The following ATP8B3 variants were observed in gnomAD, a reference collection of about 807,000 sequenced individuals.
The protein encoded by ATP8B3 is phospholipid-transporting ATPase IK.
A neutral mutation model predicts 140.9 loss-of-function variants in ATP8B3; 141 were observed. The observed-to-expected ratio is 1.00, with a 90% CI of 0.87 to 1.15. ATP8B3 has a LOEUF of 1.15. Ranked by LOEUF, ATP8B3 falls within the 50% of genes most tolerant of loss-of-function variation. The pLI, the probability that ATP8B3 is intolerant of heterozygous loss-of-function variation, is 0.00. For synonymous variants in ATP8B3, 765 were observed against 714.6 expected, an observed-to-expected ratio of 1.07 and a Z score of -1.13; for missense variants, 1,874 against 1,740.6, an observed-to-expected ratio of 1.08 and a Z score of -1.36.
intron 19 of ATP8B3, 58 bp from the exon 20 acceptor site, chr19:1,791,919 CGGGG>C: frequency 6.3e-7 from 1 of 1,599,524 alleles, no homozygotes; most frequent in South Asian, 1.1e-5. Context: ...AGCTCCCTGG[CGGGG>C]GCAGGAGAGT....
At position 1,806,821 on chromosome 19, in the gene ATP8B3, G is replaced by T; in HGVS notation, c.616-132C>A. The T allele has an allele frequency of 9.6e-7, 1 of 1,044,538 alleles. No individual in the cohort carries two copies. Among genetic ancestry groups the T allele is most frequent in the Non-Finnish European group, 1.4e-6 (1 of 705,596 alleles). 64.7% of individuals were successfully genotyped at this position (1,044,538 alleles called of 1,614,324 possible). A position where few individuals can be genotyped will look rare whatever the true frequency, so the allele number is the denominator to read the frequency against. On this transcript the variant is annotated intron_variant, in intron 6 of 28. Coordinates refer to ENST00000310127, the MANE Select transcript of ATP8B3 (RefSeq NM_138813.4). The surrounding 1 kb of genome is among the most constrained non-coding windows in gnomAD (Gnocchi z 5.6). Reference sequence around the variant, plus strand: ...CTGTCCGCTGGCCCCACGCCACGTTGCGTCTGCTCAGGGATCCCGGACGTG... The same window carrying T: ...CTGTCCGCTGGCCCCACGCCACGTTTCGTCTGCTCAGGGATCCCGGACGTG...
Position 1,808,298 on chromosome 19 carries a change from G to C in ATP8B3, c.440C>G (p.Ser147Trp). 6.2e-7 allele frequency: 1 copy of C among 1,612,926 alleles called. No homozygotes were observed. Residue 147 changes from serine to tryptophan, a missense_variant, in exon 5 of 29, where the codon TCG becomes TGG. This residue lies in a region of ATP8B3 where 1,032 missense variants were observed against 963.6 expected (regional missense o/e 1.07). Transcript: ENST00000310127. Reference sequence around the variant, plus strand: ...CTCGTACAGGTTCAGCGGCAGGAACGAGTAGAAGTTGTACTTGGCCGTGCG... The same window carrying C: ...CTCGTACAGGTTCAGCGGCAGGAACCAGTAGAAGTTGTACTTGGCCGTGCG... ...VIRTAKYNFY[S>W]FLPLNLYEQF...
chr19:1,805,003 T>A lies in ATP8B3; in HGVS notation c.904+371A>T, dbSNP rs2068967693. Among the ~76,000 whole-genome samples, 1 of 152,174 alleles carries A rather than the reference T, an allele frequency of 6.6e-6. No homozygotes were observed. Among genetic ancestry groups the A allele is most frequent in the Non-Finnish European group, 1.5e-5 (1 of 68,040 alleles). ...TTTATTTTTGGTTTTGACACAGGGG[T>A]CTCACTCTGTTGCCCAGGCTGAGTG... On this transcript the variant is annotated intron_variant, in intron 10 of 28. Coordinates refer to ENST00000310127, the MANE Select transcript of ATP8B3 (RefSeq NM_138813.4). This position sits in a 1 kb window ranked among gnomAD's most constrained non-coding sequence, Gnocchi z 5.2.
chr19:1,806,218 C>G lies in ATP8B3; in HGVS notation c.678-49G>C, dbSNP rs1411509124. 5 of 1,551,032 alleles carry G rather than the reference C, an allele frequency of 3.2e-6. No individual in the cohort carries two copies. The South Asian group carries it at 5.9e-5, about 18-fold the overall frequency. On this transcript the variant is annotated intron_variant, in intron 7 of 28. Coordinates refer to ENST00000310127, the MANE Select transcript of ATP8B3 (RefSeq NM_138813.4). The surrounding 1 kb of genome is among the most constrained non-coding windows in gnomAD (Gnocchi z 5.6). ...GGAGGCCCCTCCCTCTGCCAACCCT[C>G]CCCACACCGGGAGACCAGAGGCACG...
chr19:1,791,507 C>G (rs1327849110), intron 20 of ATP8B3, among the ~76,000 whole-genome samples: 1 of 152,084 alleles, frequency 6.6e-6, no homozygotes, highest in Admixed American at 6.6e-5. Context: ...CCTGCCTCAG[C>G]CTCCTGAGTA....
Position 1,809,721 on chromosome 19 carries a change from C to T in ATP8B3, c.324G>A (p.Lys108=), listed in dbSNP as rs573102431. ...TGTAGGCACGGTTGTTGGCCTGGAC[C>T]TTCCAGGTGAATGCTGCAGCGAGAG... The part of the protein sequence containing the change: ...DEDRNSAFTW[K]VQANNRAYNG... The change falls in exon 4 of 29, where the codon AAG becomes AAA. Residue 108 remains lysine, a synonymous_variant. Transcript: ENST00000310127. The T allele has an allele frequency of 6.2e-7, 1 of 1,609,214 alleles. No homozygotes were observed. The highest frequency in any genetic ancestry group is 8.5e-7 in the Non-Finnish European group (1 of 1,178,158).
At chr19:1,804,291 C>G (rs911761653) in intron 10 of ATP8B3, among the ~76,000 whole-genome samples, 26 of 151,924 alleles carry the variant, frequency 1.7e-4, no homozygotes, top group Admixed American at 7.9e-4. Context: ...GTGAGGAGTT[C>G]GAGACCAGCC....
At chr19:1,786,987 C>T (rs1424221018) in intron 25 of ATP8B3, 116 bp downstream of exon 25, 2 of 959,872 alleles carry the variant, frequency 2.1e-6, no homozygotes, top group East Asian at 5.5e-5. Context: ...ACCCCCTGAG[C>T]CCCACCCCAT....
chr19:1,790,838 A>C lies in ATP8B3; in HGVS notation c.2303-6T>G, dbSNP rs776537324. ...GCCGATGTTCACAGCCGTTTCTGCG[A>C]AGCAGACCAGCTCAGCGCCTCTGCG... On this transcript the variant is annotated splice_polypyrimidine_tract_variant and splice_region_variant and intron_variant, in intron 20 of 28. Transcript: ENST00000310127. The C allele has an allele frequency of 6.3e-7, 1 of 1,594,086 alleles. No homozygotes were observed. The highest frequency in any genetic ancestry group is 1.1e-5 in the South Asian group (1 of 87,850).
chr19:1,806,888 C>A lies in ATP8B3; in HGVS notation c.616-199G>T, dbSNP rs969577284. On this transcript the variant is annotated intron_variant, in intron 6 of 28. Transcript: ENST00000310127. This position sits in a 1 kb window ranked among gnomAD's most constrained non-coding sequence, Gnocchi z 5.6. ...CTGCTATTGGCGGGGAGAAGACAGG[C>A]GTGCTGCCCACCACCTAGAGTGCCT... is the stretch of plus-strand genomic sequence containing the variant. Among the ~76,000 whole-genome samples, 3 of 152,166 alleles carry A rather than the reference C, an allele frequency of 2.0e-5. No individual in the cohort carries two copies. Among genetic ancestry groups the A allele is most frequent in the African/African-American group, 7.2e-5 (3 of 41,428 alleles).
intron 22 of ATP8B3, 73 bp downstream of exon 22, chr19:1,789,817 A>T (rs1239337857): frequency 2.5e-6 from 4 of 1,579,624 alleles, no homozygotes; most frequent in East Asian, 2.3e-5. Context: ...AGCAGTCCCC[A>T]CCCCGAGCCC....
Position 1,811,606 on chromosome 19 carries a change from C to A in ATP8B3, c.131G>T (p.Arg44Leu), listed in dbSNP as rs549492441. 3.7e-6 allele frequency: 6 copies of A among 1,612,100 alleles called. No homozygotes were observed. The African/African-American group carries it at 4.0e-5, about 11-fold the overall frequency. The change falls in exon 2 of 29, where the codon CGC (arginine) becomes CTC (leucine). Residue 44 changes from arginine to leucine, a missense_variant. Arg to Leu is a moderately radical substitution (Grantham distance 102, BLOSUM62 -2). Transcript: ENST00000310127. ...TQEGSGPAGIRGGETVIRAGM... is the reference protein window; with the variant it reads ...TQEGSGPAGILGGETVIRAGM... The stretch of plus-strand genomic sequence containing the variant: ...AGCTCTGATCACCGTCTCACCTCCG[C>A]GGATGCCAGCAGGACCTGAGCCTTC...
chr19:1,789,345 CG>C lies in ATP8B3; in HGVS notation c.2845+15del, dbSNP rs1331012198. 6.7e-7 allele frequency: 1 copy of C among 1,495,076 alleles called. No homozygotes were observed. Among genetic ancestry groups the C allele is most frequent in the Non-Finnish European group, 8.9e-7 (1 of 1,119,630 alleles). The allele number at this position is 1,495,076 out of a possible 1,614,324, so 92.6% of individuals were successfully genotyped here. ...CACTCGTCCCAGGCACCCCCAGCCC[CG>C]CCGCCGCCACCCACTCTTGATCATG... On this transcript the variant is annotated intron_variant, in intron 23 of 28. Coordinates refer to ENST00000310127, the MANE Select transcript of ATP8B3 (RefSeq NM_138813.4).
chr19:1,785,511 C>T lies in ATP8B3; in HGVS notation c.3351G>A (p.Ala1117=), dbSNP rs749662285. The change falls in exon 26 of 29, where the codon GCG becomes GCA. Residue 1117 remains alanine, a synonymous_variant. Transcript: ENST00000310127. ...GCAGGCAAGACAGGGCCACCACGAC[C>T]GCAAAGGACTGGTGGTCGCTGAAGC... The part of the protein sequence containing the change: ...PASFSDHQSF[A]VVVALSCLLS... 47 of 1,613,054 alleles carry T rather than the reference C, an allele frequency of 2.9e-5. No homozygotes were observed. The highest frequency in any genetic ancestry group is 3.7e-5 in the Non-Finnish European group (44 of 1,179,870).
Position 1,811,664 on chromosome 19 carries a change from G to T in ATP8B3, c.73C>A (p.Pro25Thr). Residue 25 changes from proline to threonine, a missense_variant, in exon 2 of 29, where the codon CCT (proline) becomes ACT (threonine). By Grantham distance (38) the Pro-to-Thr change is conservative. Around this residue, in one of 3 missense-constraint regions of ATP8B3, gnomAD observed 1,032 missense variants for 963.6 expected, o/e 1.07. Transcript: ENST00000310127. The part of the protein sequence containing the change: ...GPEPSPAPPG[P>T]GDTGDSDVTQ... Reference sequence around the variant, plus strand: ...ACGTCTGAGTCACCCGTGTCCCCAGGTCCTGGTGGGGCAGGGCTTGGCTCA... The same window carrying T: ...ACGTCTGAGTCACCCGTGTCCCCAGTTCCTGGTGGGGCAGGGCTTGGCTCA... 1 of 1,610,184 alleles carries T rather than the reference G, an allele frequency of 6.2e-7. No individual in the cohort carries two copies.
At position 1,789,470 on chromosome 19, in the gene ATP8B3, G is replaced by T; in HGVS notation, c.2736C>A (p.Cys912Ter). Residue 912 changes from cysteine to a stop codon, truncating the protein, a stop_gained, in exon 23 of 29, where the codon TGC (cysteine) becomes TGA (stop). Transcript: ENST00000310127. LOFTEE classifies it high-confidence loss of function. ...LASKCQAVIC[C>*]RVTPKQKALI... ...GGGCCTTCTGCTTGGGCGTCACGCGGCAGCAGATGACCGCCTGGCACTTGG... is the reference window on the plus strand; with the variant it reads ...GGGCCTTCTGCTTGGGCGTCACGCGTCAGCAGATGACCGCCTGGCACTTGG... 1 of 1,597,844 alleles carries T rather than the reference G, an allele frequency of 6.3e-7. No individual in the cohort carries two copies.
chr19:1,810,115 G>A (rs555366041), intron 3 of ATP8B3, among the ~76,000 whole-genome samples: 2 of 152,332 alleles, frequency 1.3e-5, no homozygotes, highest in East Asian at 3.9e-4. Context: ...GATCTTTCTG[G>A]GCATGCAGCC....
At position 1,799,951 on chromosome 19, in the gene ATP8B3, G is replaced by A. The variant is rs1336124138; in HGVS notation, c.1548C>T (p.Val516=). The change falls in exon 14 of 29, where the codon GTC becomes GTT. Residue 516 remains valine (V), a synonymous_variant. Coordinates refer to ENST00000310127, the MANE Select transcript of ATP8B3 (RefSeq NM_138813.4). The part of the protein sequence containing the change: ...TFNKCCISGR[V]YGPDSEATTR... Reference sequence around the variant, plus strand: ...GCTCAGGTGTCGGGGCCGCACCATAGACGCGGCCGCTGATGCAGCACTTGT... The same window carrying A: ...GCTCAGGTGTCGGGGCCGCACCATAAACGCGGCCGCTGATGCAGCACTTGT... 6.3e-7 allele frequency: 1 copy of A among 1,593,840 alleles called. No homozygotes were observed. The highest frequency in any genetic ancestry group is 1.3e-5 in the African/African-American group (1 of 74,582).
chr19:1,807,058 C>G lies in ATP8B3; in HGVS notation c.615+110G>C. 1 of 1,001,822 alleles carries G rather than the reference C, an allele frequency of 1.0e-6. No individual in the cohort carries two copies. The highest frequency in any genetic ancestry group is 1.5e-6 in the Non-Finnish European group (1 of 648,516). 62.1% of individuals were successfully genotyped at this position (1,001,822 alleles called of 1,614,324 possible). A position where few individuals can be genotyped will look rare whatever the true frequency, so the allele number is the denominator to read the frequency against. On this transcript the variant is annotated intron_variant, in intron 6 of 28. Transcript: ENST00000310127. This position sits in a 1 kb window ranked among gnomAD's most constrained non-coding sequence, Gnocchi z 5.9. Reference sequence around the variant, plus strand: ...GCTGAGGCTCCCAGGCCCACGTTCCCCTAATGCTCCAGGAAGCCCAGCCCT... The same window carrying G: ...GCTGAGGCTCCCAGGCCCACGTTCCGCTAATGCTCCAGGAAGCCCAGCCCT...
Sources: gnomAD v4.1 joint callset for allele counts (sites outside exome capture counted in the v4.1 genomes callset) on GRCh38, gnomAD v4.1.1 for gene constraint, gnomAD v4.1.1 regional missense constraint, Gnocchi (gnomAD v3.1) non-coding constraint, MANE v1.5 for transcripts, NCBI Gene and HGNC (gene_info 2026-07-23, HGNC 2026-07-21) for gene names.